Variants in RAPGEF5 observed in about 807,000 individuals in gnomAD.
The protein encoded by RAPGEF5 is M-Ras-regulated GEF.
RAPGEF5 carries 65 observed loss-of-function variants against 125.2 expected under a neutral mutation model. That is an observed-to-expected ratio of 0.52 (90% CI 0.43 to 0.64). The LOEUF (loss-of-function observed/expected upper bound fraction) is 0.64, where lower values mean the gene tolerates loss of function less well. Among genes scored for constraint, RAPGEF5 ranks in the 30% least tolerant of loss-of-function variants. The pLI is 0.00. For synonymous variants in RAPGEF5, 391 were observed against 385.9 expected (o/e 1.01, Z -0.16); for missense variants, 958 against 1,048.1 (o/e 0.91, Z 1.19).
At chr7:22,197,658 C>T (rs1207097262) in intron 9 of RAPGEF5, among the ~76,000 whole-genome samples, 1 of 152,146 alleles carries the variant, frequency 6.6e-6, no homozygotes, top group Non-Finnish European at 1.5e-5. Flanking sequence ...ATTCAGCACT[C>T]TCAGGAGCAC....
chr7:22,167,845 T>C (rs1300109791), intron 11 of RAPGEF5, among the ~76,000 whole-genome samples: 3 of 152,204 alleles, frequency 2.0e-5, no homozygotes, highest in Non-Finnish European at 2.9e-5. Context: ...TTAAGTGTTC[T>C]TGGAAGAGTT....
intron 17 of RAPGEF5, among the ~76,000 whole-genome samples, 188 bp from the exon 18 acceptor site, chr7:22,150,692 T>C (rs1783598912): frequency 6.6e-6 from 1 of 152,202 alleles, no homozygotes; most frequent in Non-Finnish European, 1.5e-5. Context: ...CACAAATAGC[T>C]CTCACTGCTC....
intron 1 of RAPGEF5, among the ~76,000 whole-genome samples, chr7:22,327,512 C>T (rs1050620669): frequency 6.6e-6 from 1 of 152,232 alleles, no homozygotes; most frequent in African/African-American, 2.4e-5. Flanking sequence ...TAACGCTCTT[C>T]ACCTTCCAGA....
chr7:22,153,117 G>A (rs991562240), intron 17 of RAPGEF5, among the ~76,000 whole-genome samples: 2 of 152,164 alleles, frequency 1.3e-5, no homozygotes, highest in Admixed American at 6.5e-5. Flanking sequence ...AAGGAGACGG[G>A]TCTCAGTTTT....
intron 1 of RAPGEF5, 99 bp from the exon 2 acceptor site, chr7:22,318,136 A>T: frequency 1.1e-5 from 12 of 1,057,212 alleles, no homozygotes; most frequent in Non-Finnish European, 1.5e-5. Context: ...GGCCTCTGCT[A>T]TGAAAAAAAA....
intron 9 of RAPGEF5, among the ~76,000 whole-genome samples, chr7:22,202,648 A>C (rs1040533656): frequency 6.6e-6 from 1 of 152,210 alleles, no homozygotes; most frequent in Non-Finnish European, 1.5e-5. Flanking sequence ...GATATCGTCC[A>C]TTTCTCTCTA....
chr7:22,162,095 C>T (rs28587984), intron 13 of RAPGEF5, among the ~76,000 whole-genome samples: 4,479 of 152,174 alleles, frequency 0.029, 86 homozygotes, highest in Middle Eastern at 0.065. Context: ...GCAAATATTA[C>T]ATATAGAGGA....
intron 12 of RAPGEF5, 25 bp from the exon 13 acceptor site, chr7:22,162,566 T>A (rs746908872): frequency 1.3e-6 from 2 of 1,585,212 alleles, no homozygotes; most frequent in South Asian, 2.2e-5. Flanking sequence ...GAAAAAATTA[T>A]ATTGTTGAAA....
intron 11 of RAPGEF5, among the ~76,000 whole-genome samples, chr7:22,186,254 T>C (rs1474478225): frequency 1.3e-5 from 2 of 152,230 alleles, no homozygotes; most frequent in Non-Finnish European, 2.9e-5. Flanking sequence ...CTATGGGTTC[T>C]AACAATAGTG....
At chr7:22,140,197 C>G (rs1235969629) in intron 20 of RAPGEF5, 82 bp from the exon 21 acceptor site, 14 of 1,266,214 alleles carry the variant, frequency 1.1e-5, no homozygotes, top group Non-Finnish European at 1.5e-5. Flanking sequence ...CTGAAAAGAC[C>G]CTCCTAGGCC....
intron 9 of RAPGEF5, among the ~76,000 whole-genome samples, chr7:22,204,035 T>A (rs1251717692): frequency 6.6e-6 from 1 of 152,246 alleles, no homozygotes; most frequent in Non-Finnish European, 1.5e-5. Flanking sequence ...AGTTTCTACA[T>A]TCTGGTTGCA....
At chr7:22,266,902 T>C in intron 7 of RAPGEF5, 62 bp downstream of exon 7, 1 of 1,491,946 alleles carries the variant, frequency 6.7e-7, no homozygotes, top group Non-Finnish European at 9.3e-7. Context: ...CACTACCAGA[T>C]GATATGTGAA....
At chr7:22,223,153 T>C (rs929204353) in intron 8 of RAPGEF5, among the ~76,000 whole-genome samples, 1 of 152,044 alleles carries the variant, frequency 6.6e-6, no homozygotes, top group Admixed American at 6.6e-5. Flanking sequence ...AATCCAGGAA[T>C]TGAGTCTAGT....
intron 8 of RAPGEF5, chr7:22,220,380 T>G (rs1171715431): frequency 6.0e-6 from 1 of 166,102 alleles, no homozygotes; most frequent in Non-Finnish European, 1.3e-5. Context: ...GGTGAAAGGG[T>G]GAACTGATAC....
At chr7:22,299,143 C>A (rs915325210) in intron 5 of RAPGEF5, among the ~76,000 whole-genome samples, 4 of 150,044 alleles carry the variant, frequency 2.7e-5, no homozygotes, top group Non-Finnish European at 5.9e-5. Context: ...CTTTGGCTAG[C>A]TTTCTGAGGT....
intron 11 of RAPGEF5, among the ~76,000 whole-genome samples, chr7:22,183,314 C>T (rs1370100058): frequency 2.5e-5 from 2 of 78,620 alleles, no homozygotes; most frequent in African/African-American, 4.6e-5. Flanking sequence ...TATTTGAAAA[C>T]AGATTGTAAT....
Position 22,311,976 on chromosome 7 carries a change from T to C in RAPGEF5, c.390-1886A>G, listed in dbSNP as rs946688694. On this transcript the variant is annotated intron_variant, in intron 3 of 25. Coordinates refer to ENST00000665637, the MANE Select transcript of RAPGEF5 (RefSeq NM_012294.5). ...ATGCAGGTCCTCAGTCTGCTCTGAGTGTCTGACATCACCTGGACTATGAAA... is the reference window on the plus strand; with the variant it reads ...ATGCAGGTCCTCAGTCTGCTCTGAGCGTCTGACATCACCTGGACTATGAAA... Among the ~76,000 whole-genome samples the C allele has an allele frequency of 3.3e-5, 5 of 152,224 alleles. No individual in the cohort carries two copies. In the East Asian group the frequency reaches 9.6e-4, roughly 29 times the overall value.
intron 9 of RAPGEF5, among the ~76,000 whole-genome samples, chr7:22,201,583 T>C (rs990425341): frequency 6.6e-6 from 1 of 152,180 alleles, no homozygotes; most frequent in African/African-American, 2.4e-5. Flanking sequence ...GTGTTAGCAT[T>C]TTCCTACTTG....
chr7:22,239,954 A>G (rs1228827333), intron 7 of RAPGEF5, among the ~76,000 whole-genome samples: 1 of 152,088 alleles, frequency 6.6e-6, no homozygotes, highest in Non-Finnish European at 1.5e-5. Context: ...CATGCCTGTA[A>G]TCCCAGCACT....
Sources: gnomAD v4.1 joint callset for allele counts (sites outside exome capture counted in the v4.1 genomes callset) on GRCh38, gnomAD v4.1.1 for gene constraint, MANE v1.5 for transcripts, NCBI Gene and HGNC (gene_info 2026-07-23, HGNC 2026-07-21) for gene names.